PPP1R35: variants seen among roughly 807,000 people sequenced by gnomAD.
The protein encoded by PPP1R35 is protein phosphatase 1 regulatory subunit 35.
In PPP1R35, 23 loss-of-function variants were observed where a neutral mutation model predicts 22.2. The observed-to-expected ratio is 1.04, with a 90% CI of 0.75 to 1.47. The LOEUF is 1.47. Among genes scored for constraint, PPP1R35 ranks in the 40% most tolerant of loss-of-function variants. The probability of loss-of-function intolerance (pLI) is 0.00; values close to 1 mark genes in which losing one functional copy is unlikely to be tolerated. For synonymous variants in PPP1R35, 198 were observed against 165.7 expected (o/e 1.19, Z -1.50); for missense variants, 409 against 349.6 (o/e 1.17, Z -1.36).
In PPP1R35 at chr7:100,436,446, G is replaced by C. The variant is rs548858547; in HGVS notation, c.-72C>G. The C allele has an allele frequency of 6.1e-6, 7 of 1,155,402 alleles. No individual in the cohort carries two copies. Among genetic ancestry groups the C allele is most frequent in the East Asian group, 5.7e-5 (2 of 34,856 alleles). The allele number at this position is 1,155,402 out of a possible 1,614,324, so 71.6% of individuals were successfully genotyped here. A position where few individuals can be genotyped will look rare whatever the true frequency, so the allele number is the denominator to read the frequency against. ...TCCAACGGTCAGGGGACACAGCCTG[G>C]CTGCCGCCTCCTTTCCCCCGCCCCT... On this transcript the variant is annotated 5_prime_UTR_variant, in exon 1 of 4. Coordinates refer to ENST00000292330, the MANE Select transcript of PPP1R35 (RefSeq NM_145030.4).
Position 100,435,467 on chromosome 7 carries a change from G to A in PPP1R35, c.655C>T (p.Pro219Ser), listed in dbSNP as rs746217734. 1.4e-5 allele frequency: 22 copies of A among 1,613,896 alleles called. No individual in the cohort carries two copies. The East Asian group carries it at 3.3e-4, about 25-fold the overall frequency. The change falls in exon 4 of 4, where the codon CCA (proline) becomes TCA (serine). Residue 219 changes from proline to serine, a missense_variant. By Grantham distance (74) the Pro-to-Ser change is moderately conservative (BLOSUM62 -1). Coordinates refer to ENST00000292330, the MANE Select transcript of PPP1R35 (RefSeq NM_145030.4). ...GGCAGACCGTCCAGGGTCAGGTGTG[G>A]AGATTCATAAAATAGCGTTTCTGGG... ...CDPETLFYES[P>S]HLTLDGLPPL...
rs756842637 is a variant in PPP1R35 at position 100,435,609 on chromosome 7, CCCCACGCCCAGACCCCA to C, written c.588+5_588+21del. The stretch of plus-strand genomic sequence containing the variant: ...CGGGTAAGGGGGTACATGGAGGAAG[CCCCACGCCCAGACCCCA>C]TCACCTTTGGGTGCGGGGCTCGAGC... On this transcript the variant is annotated splice_donor_5th_base_variant and intron_variant, in intron 3 of 3. Coordinates refer to ENST00000292330, the MANE Select transcript of PPP1R35 (RefSeq NM_145030.4). The C allele has an allele frequency of 6.2e-7, 1 of 1,613,814 alleles. No individual in the cohort carries two copies. Among genetic ancestry groups the C allele is most frequent in the Non-Finnish European group, 8.5e-7 (1 of 1,179,954 alleles).
chr7:100,435,370 C>T lies in PPP1R35; in HGVS notation c.752G>A (p.Trp251Ter). The change falls in exon 4 of 4, where the codon TGG becomes TAG. Residue 251 changes from tryptophan (W) to a stop codon, truncating the protein, a stop_gained. Coordinates refer to ENST00000292330, the MANE Select transcript of PPP1R35 (RefSeq NM_145030.4). LOFTEE classifies it high-confidence loss of function. ...AGGGATCTTTGGGGTCTACGCTTCC[C>T]ATCGCCTCAGTGTCCGGTGCATGAG... ...TFLMHRTLRR[W>*]EA 1 of 1,598,488 alleles carries T rather than the reference C, an allele frequency of 6.3e-7. No homozygotes were observed. The highest frequency in any genetic ancestry group is 1.1e-5 in the South Asian group (1 of 89,068).
intron 2 of PPP1R35, 24 bp from the exon 3 acceptor site, chr7:100,435,791 G>A (rs774406730): frequency 1.6e-5 from 26 of 1,589,732 alleles, no homozygotes; most frequent in East Asian, 2.3e-5. Context: ...GGGGACGGAG[G>A]TGAGTGGCGC....
chr7:100,436,351 T>G lies in PPP1R35; in HGVS notation c.24A>C (p.Ser8=), dbSNP rs779144129. 7.0e-7 allele frequency: 1 copy of G among 1,430,136 alleles called. No individual in the cohort carries two copies. Among genetic ancestry groups the G allele is most frequent in the African/African-American group, 1.5e-5 (1 of 67,762 alleles). 88.6% of individuals were successfully genotyped at this position (1,430,136 alleles called of 1,614,324 possible). The change falls in exon 1 of 4, where the codon TCA becomes TCC. Residue 8 remains serine (S), a synonymous_variant. Coordinates refer to ENST00000292330, the MANE Select transcript of PPP1R35 (RefSeq NM_145030.4). ...CTTCCCCGTCCGCCGACTTCAGCTCTGACTCCCCACAACCCATCATCATCT... is the reference window on the plus strand; with the variant it reads ...CTTCCCCGTCCGCCGACTTCAGCTCGGACTCCCCACAACCCATCATCATCT... The part of the protein sequence containing the change: MMMGCGE[S]ELKSADGEEA...
Position 100,435,857 on chromosome 7 carries a change from C to T in PPP1R35, c.442G>A (p.Val148Met). ...FQIRCGLEES[V>M]SEGLNVPRSK... ...CGCCCGCCCCCCTCACCCTCGGACACGCTCTCCTCCAGGCCGCAGCGGATC... is the reference window on the plus strand; with the variant it reads ...CGCCCGCCCCCCTCACCCTCGGACATGCTCTCCTCCAGGCCGCAGCGGATC... The change falls in exon 2 of 4, where the codon GTG (valine) becomes ATG (methionine). Residue 148 changes from valine to methionine, a missense_variant. By Grantham distance (21) the Val-to-Met change is conservative (BLOSUM62 1). Coordinates refer to ENST00000292330, the MANE Select transcript of PPP1R35 (RefSeq NM_145030.4). The T allele has an allele frequency of 6.3e-7, 1 of 1,591,050 alleles. No homozygotes were observed.
chr7:100,436,098 G>T, intron 1 of PPP1R35, 34 bp from the exon 2 acceptor site: 1 of 1,449,894 alleles, frequency 6.9e-7, no homozygotes, highest in Non-Finnish European at 9.0e-7. Context: ...GACCAGGTGG[G>T]CGCGAGGCCG....
chr7:100,435,837 GCC>G lies in PPP1R35; in HGVS notation c.451+9_451+10del. On this transcript the variant is annotated intron_variant, in intron 2 of 3. Coordinates refer to ENST00000292330, the MANE Select transcript of PPP1R35 (RefSeq NM_145030.4). The stretch of plus-strand genomic sequence containing the variant: ...GACTCCCGCACGCGGCCGGCCGCCC[GCC>G]CCCCTCACCCTCGGACACGCTCTCC... 1 of 1,580,908 alleles carries G rather than the reference GCC, an allele frequency of 6.3e-7. No homozygotes were observed.
chr7:100,435,813 A>G (rs764465009), intron 2 of PPP1R35, 35 bp downstream of exon 2: 20 of 1,578,178 alleles, frequency 1.3e-5, no homozygotes, highest in South Asian at 5.7e-5. Context: ...CCTCACCCCG[A>G]CTCCCGCACG....
Position 100,435,996 on chromosome 7 carries a change from C to A in PPP1R35, c.303G>T (p.Leu101=). Reference sequence around the variant, plus strand: ...GGCTGCTCTTCAGCACGGGCATCTCCAGCTCCTGCGGCACCGCAGGCTGCG... The same window carrying A: ...GGCTGCTCTTCAGCACGGGCATCTCAAGCTCCTGCGGCACCGCAGGCTGCG... ...SEPQPAVPQE[L]EMPVLKSSLA... is the part of the protein sequence containing the mutation. The change falls in exon 2 of 4, where the codon CTG becomes CTT. Residue 101 remains leucine, a synonymous_variant. Coordinates refer to ENST00000292330, the MANE Select transcript of PPP1R35 (RefSeq NM_145030.4). 6.4e-7 allele frequency: 1 copy of A among 1,559,800 alleles called. No homozygotes were observed. Among genetic ancestry groups the A allele is most frequent in the Non-Finnish European group, 8.6e-7 (1 of 1,159,012 alleles).
intron 3 of PPP1R35, 37 bp from the exon 4 acceptor site, chr7:100,435,570 T>C (rs1293208203): frequency 1.2e-6 from 2 of 1,614,128 alleles, no homozygotes; most frequent in Non-Finnish European, 1.7e-6. Flanking sequence ...GGTTACACTT[T>C]GGGAGGAAGG....
In PPP1R35 at chr7:100,435,519, A is replaced by T; in HGVS notation, c.603T>A (p.Pro201=). The T allele has an allele frequency of 6.2e-7, 1 of 1,614,162 alleles. No individual in the cohort carries two copies. The highest frequency in any genetic ancestry group is 8.5e-7 in the Non-Finnish European group (1 of 1,180,008). The part of the protein sequence containing the change: ...RAPHPKEPPG[P]GPDMTILCDP... ...CACACAAGATGGTCATGTCTGGCCC[A>T]GGCCCAGGTGGCTCCTGTTGGGAGG... Residue 201 remains proline, a synonymous_variant, in exon 4 of 4, where the codon CCT becomes CCA. Coordinates refer to ENST00000292330, the MANE Select transcript of PPP1R35 (RefSeq NM_145030.4).
In PPP1R35 at chr7:100,435,691, A is replaced by G; in HGVS notation, c.528T>C (p.Asn176=). The stretch of plus-strand genomic sequence containing the variant: ...GAGCCAATTTCTCCCTGAGCGCGGC[A>G]TTCAGAACCTGTTCCTCCGGCACCT... ...SLQVPEEQVL[N]AALREKLALL... The change falls in exon 3 of 4, where the codon AAT becomes AAC. Residue 176 remains asparagine (N), a synonymous_variant. Coordinates refer to ENST00000292330, the MANE Select transcript of PPP1R35 (RefSeq NM_145030.4). 6.2e-7 allele frequency: 1 copy of G among 1,608,484 alleles called. No individual in the cohort carries two copies. The highest frequency in any genetic ancestry group is 1.3e-5 in the African/African-American group (1 of 75,050).
chr7:100,436,391 AGGGTGCGG>A lies in PPP1R35; in HGVS notation c.-25_-18del. 1 of 1,491,902 alleles carries A rather than the reference AGGGTGCGG, an allele frequency of 6.7e-7. No homozygotes were observed. The highest frequency in any genetic ancestry group is 9.0e-7 in the Non-Finnish European group (1 of 1,116,964). 92.4% of individuals were successfully genotyped at this position (1,491,902 alleles called of 1,614,324 possible). ...CATCATCATCTTTGGAGGTGCCTTG[AGGGTGCGG>A]GGATGCGGGGGTCGCAGACGCTCCA... On this transcript the variant is annotated 5_prime_UTR_variant, in exon 1 of 4. Coordinates refer to ENST00000292330, the MANE Select transcript of PPP1R35 (RefSeq NM_145030.4).
Position 100,435,356 on chromosome 7 carries a change from G to C in PPP1R35, c.*4C>G. The C allele has an allele frequency of 2.5e-6, 4 of 1,583,588 alleles. No individual in the cohort carries two copies. Among genetic ancestry groups the C allele is most frequent in the Non-Finnish European group, 3.4e-6 (4 of 1,169,140 alleles). ...CGAACTAGCCCTCCAGGGATCTTTG[G>C]GGTCTACGCTTCCCATCGCCTCAGT... On this transcript the variant is annotated 3_prime_UTR_variant, in exon 4 of 4. Coordinates refer to ENST00000292330, the MANE Select transcript of PPP1R35 (RefSeq NM_145030.4).
At position 100,436,217 on chromosome 7, in the gene PPP1R35, GGGCTGTCGGGCCGCGGGCTCA is replaced by G; in HGVS notation, c.137_157del (p.Leu46_Ser52del). ...CCCGGGGCTGCCGTGCCGCGGCTGA[GGGCTGTCGGGCCGCGGGCTCA>G]GGCTCAAGTCCAGGCCGGGCTCGGG... On this transcript the variant is annotated inframe_deletion, in exon 1 of 4. Coordinates refer to ENST00000292330, the MANE Select transcript of PPP1R35 (RefSeq NM_145030.4). The G allele has an allele frequency of 7.9e-7, 1 of 1,260,336 alleles. No individual in the cohort carries two copies. Among genetic ancestry groups the G allele is most frequent in the East Asian group, 3.0e-5 (1 of 33,192 alleles). The allele number at this position is 1,260,336 out of a possible 1,614,324, so 78.1% of individuals were successfully genotyped here. A position where few individuals can be genotyped will look rare whatever the true frequency, so the allele number is the denominator to read the frequency against.
Position 100,436,497 on chromosome 7 carries a change from T to A in PPP1R35, c.-123A>T. 6.2e-6 allele frequency: 4 copies of A among 646,554 alleles called. No individual in the cohort carries two copies. Among genetic ancestry groups the A allele is most frequent in the Non-Finnish European group, 9.4e-6 (4 of 427,546 alleles). The allele number at this position is 646,554 out of a possible 1,614,324, so 40.1% of individuals were successfully genotyped here. A position where few individuals can be genotyped will look rare whatever the true frequency, so the allele number is the denominator to read the frequency against. On this transcript the variant is annotated 5_prime_UTR_variant, in exon 1 of 4. Transcript: ENST00000292330. ...CCTAGACGCCGCTACCGGAAACCGT[T>A]AACCCTTTCCTTCGGGGGCGGAGTC...
At position 100,436,274 on chromosome 7, in the gene PPP1R35, C is replaced by A; in HGVS notation, c.101G>T (p.Arg34Leu). 7.5e-7 allele frequency: 1 copy of A among 1,340,966 alleles called. No homozygotes were observed. The highest frequency in any genetic ancestry group is 9.6e-7 in the Non-Finnish European group (1 of 1,038,536). 83.1% of individuals were successfully genotyped at this position (1,340,966 alleles called of 1,614,324 possible). ...CAGGCCGGGCTCGGGCACTGGGGCT[C>A]GGAGTTGCGGGACTTGGGGCTCCGG... ...PPPEPQVPQL[R>L]APVPEPGLDL... The change falls in exon 1 of 4, where the codon CGA becomes CTA. Residue 34 changes from arginine (R) to leucine (L), a missense_variant. Coordinates refer to ENST00000292330, the MANE Select transcript of PPP1R35 (RefSeq NM_145030.4).
Position 100,435,741 on chromosome 7 carries a change from G to A in PPP1R35, c.478C>T (p.Leu160Phe). 1.2e-6 allele frequency: 2 copies of A among 1,600,988 alleles called. No individual in the cohort carries two copies. The highest frequency in any genetic ancestry group is 1.7e-6 in the Non-Finnish European group (2 of 1,177,108). Reference sequence around the variant, plus strand: ...TGCAGGCTCACCAGGTCCCGGAAGAGCCGCTTGGAGCGCGGCACGTTCAGC... The same window carrying A: ...TGCAGGCTCACCAGGTCCCGGAAGAACCGCTTGGAGCGCGGCACGTTCAGC... The part of the protein sequence containing the change: ...EGLNVPRSKR[L>F]FRDLVSLQVP... The change falls in exon 3 of 4, where the codon CTC (leucine) becomes TTC (phenylalanine). Residue 160 changes from leucine to phenylalanine, a missense_variant. Coordinates refer to ENST00000292330, the MANE Select transcript of PPP1R35 (RefSeq NM_145030.4).
Sources: gnomAD v4.1 joint callset for allele counts on GRCh38, gnomAD v4.1.1 for gene constraint, MANE v1.5 for transcripts, NCBI Gene and HGNC (gene_info 2026-07-23, HGNC 2026-07-21) for gene names.